Variants in EIF2AK4 observed in about 807,000 individuals in gnomAD.
EIF2AK4 encodes the protein eukaryotic translation initiation factor 2 alpha kinase 4.
A neutral mutation model predicts 211.1 loss-of-function variants in EIF2AK4; 139 were observed. The ratio of observed to expected loss-of-function variants is 0.66; its 90% CI spans 0.57 to 0.76. The LOEUF (loss-of-function observed/expected upper bound fraction) is 0.76, where lower values mean the gene tolerates loss of function less well. EIF2AK4 is among the 30% of genes least tolerant of loss of function. The pLI, the probability that EIF2AK4 is intolerant of heterozygous loss-of-function variation, is 0.00. For synonymous variants in EIF2AK4, 710 were observed against 751.3 expected, an observed-to-expected ratio of 0.94 and a Z score of 0.90; for missense variants, 1,664 against 2,043.8, an observed-to-expected ratio of 0.81 and a Z score of 3.58.
intron 34 of EIF2AK4, among the ~76,000 whole-genome samples, 190 bp from the exon 35 acceptor site, chr15:40,030,169 G>T (rs985622986): frequency 6.6e-6 from 1 of 152,146 alleles, no homozygotes; most frequent in Non-Finnish European, 1.5e-5. Flanking sequence ...AAACTGCTGG[G>T]TGTTGGGGTT....
intron 11 of EIF2AK4, chr15:39,975,564 ACT>A (rs1263159521): frequency 2.6e-5 from 4 of 152,154 alleles, no homozygotes; most frequent in Admixed American, 6.5e-5. Flanking sequence ...AGTGAATAAG[ACT>A]CTGTAAAAGT....
At chr15:40,016,106 C>G (rs2035299544) in intron 27 of EIF2AK4, among the ~76,000 whole-genome samples, 1 of 152,208 alleles carries the variant, frequency 6.6e-6, no homozygotes, top group African/African-American at 2.4e-5. Context: ...ACAAGTCAGA[C>G]TTTGCCTTAT....
Position 39,965,709 on chromosome 15 carries a change from T to G in EIF2AK4, c.883T>G (p.Leu295Val), listed in dbSNP as rs771573728. 4 of 1,613,902 alleles carry G rather than the reference T, an allele frequency of 2.5e-6. No individual in the cohort carries two copies. Among genetic ancestry groups the G allele is most frequent in the Non-Finnish European group, 3.4e-6 (4 of 1,179,932 alleles). The change falls in exon 8 of 39, where the codon TTA becomes GTA. Residue 295 changes from leucine (L) to valine (V), a missense_variant. Coordinates refer to ENST00000263791, the MANE Select transcript of EIF2AK4 (RefSeq NM_001013703.4). Reference protein sequence around the residue: ...CIGSDEQLGKLVYNALETATG... With the variant: ...CIGSDEQLGKVVYNALETATG... ...AGGCAGTGATGAACAACTTGGAAAA[T>G]TAGTCTACAATGCTTTGGAAACAGC...
At chr15:39,946,540 A>G (rs1183161836) in intron 3 of EIF2AK4, 1 of 702,174 alleles carries the variant, frequency 1.4e-6, no homozygotes, top group Non-Finnish European at 2.6e-6. Flanking sequence ...ACATTGTTGA[A>G]ATGACAATCG....
rs569678851 is a variant in EIF2AK4, at chr15:39,955,782, A to G, written c.743+14A>G. The G allele has an allele frequency of 1.9e-5, 30 of 1,573,496 alleles. 1 individual carries two copies. In the South Asian group the frequency reaches 3.3e-4, roughly 18 times the overall value. On this transcript the variant is annotated intron_variant, in intron 6 of 38. Coordinates refer to ENST00000263791, the MANE Select transcript of EIF2AK4 (RefSeq NM_001013703.4). ...AGGAAGGTCTAGGTAAGTCCCTGGG[A>G]TTTCTGATCTGGGAGAATGACAGAT...
At chr15:39,944,125 T>C (rs138579776) in intron 3 of EIF2AK4, among the ~76,000 whole-genome samples, 1 of 152,266 alleles carries the variant, frequency 6.6e-6, no homozygotes, top group East Asian at 1.9e-4. Flanking sequence ...TCAGAGGAAT[T>C]TGTTGTTTTC....
chr15:39,952,584 A>G (rs972230703), intron 4 of EIF2AK4, among the ~76,000 whole-genome samples: 8 of 151,952 alleles, frequency 5.3e-5, no homozygotes, highest in African/African-American at 1.9e-4. Context: ...CACCATTTGT[A>G]TATCTATTTT....
chr15:39,985,996 A>C, intron 14 of EIF2AK4, 108 bp downstream of exon 14: 1 of 863,454 alleles, frequency 1.2e-6, no homozygotes, highest in South Asian at 1.7e-5. Context: ...GCTTATTGCC[A>C]CTACCAAAGA....
At chr15:40,008,758 A>G (rs550635133) in intron 25 of EIF2AK4, among the ~76,000 whole-genome samples, 1 of 152,152 alleles carries the variant, frequency 6.6e-6, no homozygotes, top group African/African-American at 2.4e-5. Flanking sequence ...TTTTCTTCTC[A>G]ACTCTCACAG....
intron 32 of EIF2AK4, among the ~76,000 whole-genome samples, chr15:40,025,149 G>A (rs2035449181): frequency 6.6e-6 from 1 of 152,172 alleles, no homozygotes; most frequent in African/African-American, 2.4e-5. Flanking sequence ...TTGTCCCAAA[G>A]ATAGAGGCAG....
chr15:39,965,746 T>G lies in EIF2AK4; in HGVS notation c.920T>G (p.Phe307Cys), dbSNP rs1304044638. ...YNALETATGG[F>C]VLLYEWVLQW... Reference sequence around the variant, plus strand: ...GCTTTGGAAACAGCCACTGGTGGCTTTGTCTTGTTGTATGAGTGGGTCCTT... The same window carrying G: ...GCTTTGGAAACAGCCACTGGTGGCTGTGTCTTGTTGTATGAGTGGGTCCTT... Residue 307 changes from phenylalanine to cysteine, a missense_variant, in exon 8 of 39, where the codon TTT (phenylalanine) becomes TGT (cysteine). Physicochemically the swap from Phe to Cys is radical, Grantham distance 205. Around this residue, in one of 7 missense-constraint regions of EIF2AK4, gnomAD observed 641 missense variants for 729.6 expected, o/e 0.88. Coordinates refer to ENST00000263791, the MANE Select transcript of EIF2AK4 (RefSeq NM_001013703.4). The G allele has an allele frequency of 6.2e-7, 1 of 1,614,086 alleles. No homozygotes were observed. The highest frequency in any genetic ancestry group is 1.1e-5 in the South Asian group (1 of 91,078).
intron 23 of EIF2AK4, among the ~76,000 whole-genome samples, chr15:40,005,498 A>G (rs1465559093): frequency 6.6e-6 from 1 of 151,954 alleles, no homozygotes; most frequent in Non-Finnish European, 1.5e-5. Context: ...CCCTGTCTGA[A>G]AAACAACAAC....
At position 40,010,639 on chromosome 15, in the gene EIF2AK4, G is replaced by A. The variant is rs1212892862; in HGVS notation, c.3694-642G>A. Among the ~76,000 whole-genome samples the A allele has an allele frequency of 8.5e-5, 13 of 152,124 alleles. No individual in the cohort carries two copies. In the South Asian group the frequency reaches 2.3e-3, roughly 27 times the overall value. On this transcript the variant is annotated intron_variant, in intron 26 of 38. Transcript: ENST00000263791. ...GAACTAACAGCACCAGAAGTCTATG[G>A]TTAAGACAGAGTAGTGGAAGTCCTC...
chr15:39,959,291 G>A (rs1566985907), intron 6 of EIF2AK4, among the ~76,000 whole-genome samples: 1 of 152,316 alleles, frequency 6.6e-6, no homozygotes, highest in East Asian at 1.9e-4. Flanking sequence ...CCCAGTTCTT[G>A]ATGGGTCCCA....
chr15:40,032,108 A>C, intron 35 of EIF2AK4, 61 bp from the exon 36 acceptor site: 1 of 1,342,240 alleles, frequency 7.5e-7, no homozygotes, highest in Non-Finnish European at 1.1e-6. Context: ...GATAGGAAAT[A>C]AGATGGCAAG....
At chr15:39,938,855 T>G (rs1320492064) in intron 1 of EIF2AK4, among the ~76,000 whole-genome samples, 19 of 152,220 alleles carry the variant, frequency 1.2e-4, no homozygotes, top group African/African-American at 4.3e-4. Flanking sequence ...CCTTGTTCAT[T>G]ATATACATAT....
At chr15:39,960,211 G>T (rs963342133) in intron 6 of EIF2AK4, among the ~76,000 whole-genome samples, 1 of 148,590 alleles carries the variant, frequency 6.7e-6, no homozygotes, top group Non-Finnish European at 1.5e-5. Context: ...TGTGGTGTAA[G>T]ATATGAGTAT....
chr15:40,010,543 T>C (rs958546578), intron 26 of EIF2AK4, among the ~76,000 whole-genome samples: 4 of 152,178 alleles, frequency 2.6e-5, no homozygotes. Flanking sequence ...AAGTGAATGC[T>C]TATGTTTTCT....
chr15:40,031,339 G>A (rs540619503), intron 35 of EIF2AK4, among the ~76,000 whole-genome samples: 2 of 152,320 alleles, frequency 1.3e-5, no homozygotes, highest in East Asian at 3.9e-4. Flanking sequence ...TTAAAAGAGA[G>A]CAGTCAATTT....
Sources: allele counts gnomAD v4.1 joint callset (sites outside exome capture counted in the v4.1 genomes callset), GRCh38; gene constraint gnomAD v4.1.1; regional missense constraint gnomAD v4.1.1; transcripts MANE v1.5; gene names NCBI Gene and HGNC (gene_info 2026-07-23, HGNC 2026-07-21).